GLIS1: variants seen among roughly 807,000 people sequenced by gnomAD.
GLIS1 encodes zinc finger protein GLIS1.
GLIS1 carries 24 observed loss-of-function variants against 63.8 expected under a neutral mutation model. That is an observed-to-expected ratio of 0.38 (90% CI 0.27 to 0.53). GLIS1 has a LOEUF of 0.53. Among genes scored for constraint, GLIS1 ranks in the 20% least tolerant of loss-of-function variants. The pLI is 0.85. For synonymous variants in GLIS1, 450 were observed against 482.5 expected, an observed-to-expected ratio of 0.93 and a Z score of 0.88; for missense variants, 1,036 against 1,074.1, an observed-to-expected ratio of 0.96 and a Z score of 0.50.
At chr1:53,640,921 G>A (rs912679629) in intron 2 of GLIS1, among the ~76,000 whole-genome samples, 1 of 152,126 alleles carries the variant, frequency 6.6e-6, no homozygotes, top group African/African-American at 2.4e-5. Context: ...TTAAGAAGAC[G>A]TGGGGGAAAG....
intron 2 of GLIS1, among the ~76,000 whole-genome samples, chr1:53,731,665 C>A (rs1646862560): frequency 6.6e-6 from 1 of 152,158 alleles, no homozygotes; most frequent in Non-Finnish European, 1.5e-5. Flanking sequence ...TAGAACAGTG[C>A]CTCCTTTCTT....
intron 2 of GLIS1, among the ~76,000 whole-genome samples, chr1:53,613,652 G>GT (rs1351764417): frequency 0.015 from 182 of 12,422 alleles, 1 homozygote; most frequent in Admixed American, 0.034. Context: ...TATTTTTGGT[G>GT]GTTTTTTTTT....
At chr1:53,535,098 G>A (rs1398981033) in intron 4 of GLIS1, among the ~76,000 whole-genome samples, 2 of 152,078 alleles carry the variant, frequency 1.3e-5, no homozygotes, top group Non-Finnish European at 2.9e-5. Flanking sequence ...GAGAAGGAAG[G>A]GAAGCAGGGA....
intron 5 of GLIS1, among the ~76,000 whole-genome samples, chr1:53,525,226 C>T (rs1306310173): frequency 6.6e-6 from 1 of 151,780 alleles, no homozygotes; most frequent in Non-Finnish European, 1.5e-5. Flanking sequence ...TTGGACCCCA[C>T]AGCTGCAAGT....
intron 2 of GLIS1, among the ~76,000 whole-genome samples, chr1:53,717,635 C>T (rs1209178628): frequency 1.3e-5 from 2 of 152,188 alleles, no homozygotes; most frequent in Non-Finnish European, 2.9e-5. Context: ...GCTTAAATGT[C>T]ACCCTATCCT....
intron 4 of GLIS1, among the ~76,000 whole-genome samples, chr1:53,555,408 C>T (rs1557447788): frequency 6.6e-6 from 1 of 152,072 alleles, no homozygotes; most frequent in Admixed American, 6.5e-5. Flanking sequence ...TGGGCGCCTG[C>T]AGTCCCAGCT....
intron 2 of GLIS1, among the ~76,000 whole-genome samples, chr1:53,681,522 G>C (rs1000630235): frequency 6.6e-6 from 1 of 152,256 alleles, no homozygotes. Context: ...AATGGGAGAA[G>C]TGGATGCCAC....
chr1:53,637,400 T>G (rs1208310218), intron 2 of GLIS1, among the ~76,000 whole-genome samples: 2 of 152,186 alleles, frequency 1.3e-5, no homozygotes, highest in African/African-American at 4.8e-5. Context: ...TGACACGATG[T>G]GAGTGCAGCA....
chr1:53,540,999 G>A (rs1180872526), intron 4 of GLIS1, among the ~76,000 whole-genome samples: 1 of 152,238 alleles, frequency 6.6e-6, no homozygotes, highest in Non-Finnish European at 1.5e-5. Flanking sequence ...TGAGGCCTGA[G>A]ACCTCCATCT....
chr1:53,577,633 C>CT (rs1436899093), intron 4 of GLIS1, among the ~76,000 whole-genome samples: 4 of 152,212 alleles, frequency 2.6e-5, no homozygotes, highest in African/African-American at 9.6e-5. Flanking sequence ...AGCTGTGGCC[C>CT]TGGAGCACAG....
chr1:53,623,200 T>TA (rs1645563780), intron 2 of GLIS1, among the ~76,000 whole-genome samples: 1 of 152,152 alleles, frequency 6.6e-6, no homozygotes, highest in Admixed American at 6.5e-5. Context: ...GCAATATATA[T>TA]TAATAGAAAA....
intron 2 of GLIS1, among the ~76,000 whole-genome samples, chr1:53,642,789 G>A (rs115799045): frequency 0.012 from 1,832 of 152,164 alleles, 23 homozygotes; most frequent in Non-Finnish European, 0.019. Flanking sequence ...CACCTCCTCC[G>A]GGAAGTCTCC....
At chr1:53,576,782 C>T (rs1482492165) in intron 4 of GLIS1, among the ~76,000 whole-genome samples, 3 of 152,170 alleles carry the variant, frequency 2.0e-5, no homozygotes, top group South Asian at 2.1e-4. Flanking sequence ...AGCACAGGCT[C>T]GAGGGCTCAA....
At chr1:53,629,183 C>T (rs895583589) in intron 2 of GLIS1, among the ~76,000 whole-genome samples, 3 of 152,118 alleles carry the variant, frequency 2.0e-5, no homozygotes, top group Admixed American at 2.0e-4. Flanking sequence ...GATGCAACCC[C>T]GCCCCTACTC....
At chr1:53,626,099 C>T (rs943820390) in intron 2 of GLIS1, among the ~76,000 whole-genome samples, 2 of 152,214 alleles carry the variant, frequency 1.3e-5, no homozygotes, top group African/African-American at 4.8e-5. Flanking sequence ...GTGAGGGCCG[C>T]TCTTAGGAAT....
intron 5 of GLIS1, among the ~76,000 whole-genome samples, chr1:53,525,264 C>G (rs72893339): frequency 0.15 from 22,151 of 151,122 alleles, 5,252 homozygotes; most frequent in African/African-American, 0.5. Context: ...GGAGTGCAGT[C>G]AGACAGCTGC....
At chr1:53,693,049 AGT>A (rs1311892383) in intron 2 of GLIS1, among the ~76,000 whole-genome samples, 4 of 152,164 alleles carry the variant, frequency 2.6e-5, no homozygotes, top group Admixed American at 2.6e-4. Context: ...AGCACTTCAC[AGT>A]GTGAGGGTGC....
At chr1:53,544,058 A>C (rs1314185722) in intron 4 of GLIS1, among the ~76,000 whole-genome samples, 1 of 152,220 alleles carries the variant, frequency 6.6e-6, no homozygotes, top group African/African-American at 2.4e-5. Context: ...CTGGCTCAGC[A>C]GAGCTGCGCC....
In GLIS1 at chr1:53,534,798, G is replaced by A. The variant is rs977411940; in HGVS notation, c.1321-4846C>T. On this transcript the variant is annotated intron_variant, in intron 4 of 10. Coordinates refer to ENST00000628545, the MANE Select transcript of GLIS1 (RefSeq NM_001367484.1). Reference sequence around the variant, plus strand: ...GCCTCACTCAGCTGCCCCTCTGTGTGCCTGGCAGTGTGCTCTGAGCTGAGA... The same window carrying A: ...GCCTCACTCAGCTGCCCCTCTGTGTACCTGGCAGTGTGCTCTGAGCTGAGA... Among the ~76,000 whole-genome samples the A allele has an allele frequency of 1.2e-4, 18 of 151,998 alleles. 1 individual carries two copies. The highest frequency in any genetic ancestry group is 4.1e-4 in the African/African-American group (17 of 41,300).
Sources: gnomAD v4.1 joint callset for allele counts (sites outside exome capture counted in the v4.1 genomes callset) on GRCh38, gnomAD v4.1.1 for gene constraint, MANE v1.5 for transcripts, NCBI Gene and HGNC (gene_info 2026-07-23, HGNC 2026-07-21) for gene names.